Variants in STAC observed in about 807,000 individuals in gnomAD.
STAC encodes the protein SH3 and cysteine rich domain, also known as SH3 and cysteine-rich domain-containing protein.
STAC carries 43 observed loss-of-function variants against 48.8 expected under a neutral mutation model. The observed-to-expected ratio is 0.88, with a 90% CI of 0.69 to 1.14. The LOEUF is 1.14. STAC is among the 50% of genes most tolerant of loss of function. The probability of loss-of-function intolerance (pLI) is 0.00; values close to 1 mark genes in which losing one functional copy is unlikely to be tolerated. For synonymous variants in STAC, 193 were observed against 179.5 expected, an observed-to-expected ratio of 1.07 and a Z score of -0.60; for missense variants, 497 against 504.0, an observed-to-expected ratio of 0.99 and a Z score of 0.13.
chr3:36,414,225 T>G (rs1450470160), intron 1 of STAC, among the ~76,000 whole-genome samples: 2 of 152,212 alleles, frequency 1.3e-5, no homozygotes, highest in African/African-American at 2.4e-5. Context: ...TTGACCTGCC[T>G]TGCTAGGTTG....
At chr3:36,476,894 C>A (rs1697508230) in intron 2 of STAC, among the ~76,000 whole-genome samples, 1 of 151,854 alleles carries the variant, frequency 6.6e-6, no homozygotes, top group Non-Finnish European at 1.5e-5. Context: ...TTGATGCAGG[C>A]ATCCCTCACA....
chr3:36,434,168 A>T (rs934720431), intron 1 of STAC, among the ~76,000 whole-genome samples: 15 of 152,224 alleles, frequency 9.9e-5, no homozygotes, highest in African/African-American at 3.1e-4. Context: ...CTTGGAATAG[A>T]TGAGGTGAAT....
At position 36,528,733 on chromosome 3, in the gene STAC, G is replaced by C. The variant is rs150887393; in HGVS notation, c.958G>C (p.Glu320Gln). The C allele has an allele frequency of 5.0e-6, 8 of 1,605,968 alleles. No homozygotes were observed. The East Asian group carries it at 1.8e-4, about 36-fold the overall frequency. Residue 320 changes from glutamate (E) to glutamine (Q), a missense_variant, in exon 9 of 11, where the codon GAA becomes CAA. Coordinates refer to ENST00000273183, the MANE Select transcript of STAC (RefSeq NM_003149.3). ...AATTACTCTTTTAGAGGATTCCAAT[G>C]AAGACTGGTGGAAAGTAAGTGTTCC... is the stretch of plus-strand genomic sequence containing the variant. ...DIITLLEDSN[E>Q]DWWKGKIQDR...
At chr3:36,505,707 A>G in intron 7 of STAC, 39 bp from the exon 8 acceptor site, 1 of 1,363,336 alleles carries the variant, frequency 7.3e-7, no homozygotes, top group South Asian at 1.3e-5. Flanking sequence ...AATTTATTTC[A>G]CCTTTCTTTT....
At chr3:36,434,324 AGCATTTC>A (rs1308352392) in intron 1 of STAC, among the ~76,000 whole-genome samples, 1 of 152,224 alleles carries the variant, frequency 6.6e-6, no homozygotes, top group African/African-American at 2.4e-5. Flanking sequence ...GAAAATAGTG[AGCATTTC>A]AATGCTCTTT....
intron 10 of STAC, among the ~76,000 whole-genome samples, chr3:36,541,720 T>C (rs947843936): frequency 2.0e-5 from 3 of 152,162 alleles, no homozygotes; most frequent in Non-Finnish European, 4.4e-5. Context: ...CTGTGTCCCA[T>C]ACTAGGAAAG....
intron 8 of STAC, among the ~76,000 whole-genome samples, chr3:36,513,240 A>G (rs1264356647): frequency 2.0e-5 from 3 of 152,134 alleles, no homozygotes; most frequent in African/African-American, 4.8e-5. Context: ...AGATTCACTT[A>G]CCCACCTGCC....
chr3:36,388,129 G>A (rs1020397043), intron 1 of STAC, among the ~76,000 whole-genome samples: 3 of 152,118 alleles, frequency 2.0e-5, no homozygotes, highest in East Asian at 1.9e-4. Context: ...CAAGGCCTTC[G>A]TCCATTTTAA....
At chr3:36,429,479 T>C (rs1272598284) in intron 1 of STAC, among the ~76,000 whole-genome samples, 1 of 152,140 alleles carries the variant, frequency 6.6e-6, no homozygotes, top group African/African-American at 2.4e-5. Context: ...GGGGAACAGG[T>C]TGGAACTTGC....
chr3:36,432,931 C>T (rs75265240), intron 1 of STAC, among the ~76,000 whole-genome samples: 2,304 of 152,238 alleles, frequency 0.015, 31 homozygotes, highest in Non-Finnish European at 0.025. Context: ...TAGGATAGAG[C>T]CTGGTGTATA....
At chr3:36,437,690 A>G (rs1414252288) in intron 1 of STAC, among the ~76,000 whole-genome samples, 1 of 150,454 alleles carries the variant, frequency 6.6e-6, no homozygotes, top group Non-Finnish European at 1.5e-5. Flanking sequence ...TGACGAGTTA[A>G]TGGGTTCAGC....
Position 36,483,045 on chromosome 3 carries a change from C to T in STAC, c.442C>T (p.His148Tyr), listed in dbSNP as rs373616221. 32 of 1,614,042 alleles carry T rather than the reference C, an allele frequency of 2.0e-5. No homozygotes were observed. In the African/African-American group the frequency reaches 4.0e-4, roughly 20 times the overall value. The change falls in exon 3 of 11, where the codon CAC (histidine) becomes TAC (tyrosine). Residue 148 changes from histidine to tyrosine, a missense_variant. By Grantham distance (83) the His-to-Tyr change is moderately conservative (BLOSUM62 2). Transcript: ENST00000273183. Reference sequence around the variant, plus strand: ...CAAAGCCTGTAAGATGAGCATCCACCACAAGTGCACAGATGGCCTGGCACC... The same window carrying T: ...CAAAGCCTGTAAGATGAGCATCCACTACAAGTGCACAGATGGCCTGGCACC... Reference protein sequence around the residue: ...RCKACKMSIHHKCTDGLAPQR... With the variant: ...RCKACKMSIHYKCTDGLAPQR...
At chr3:36,498,458 AAG>A (rs1413524484) in intron 6 of STAC, among the ~76,000 whole-genome samples, 1 of 152,208 alleles carries the variant, frequency 6.6e-6, no homozygotes, top group East Asian at 1.9e-4. Context: ...GAAGTACATA[AAG>A]AGAGAATGGG....
intron 8 of STAC, among the ~76,000 whole-genome samples, chr3:36,508,020 G>A (rs777367000): frequency 2.6e-5 from 4 of 151,856 alleles, no homozygotes; most frequent in South Asian, 2.1e-4. Flanking sequence ...TTAGGGTATC[G>A]ATTTTAGATC....
intron 8 of STAC, among the ~76,000 whole-genome samples, chr3:36,514,901 G>A (rs902933146): frequency 2.6e-5 from 4 of 152,096 alleles, no homozygotes; most frequent in African/African-American, 9.6e-5. Flanking sequence ...AGCCAGGCAT[G>A]GTGGTGTGTG....
At chr3:36,448,193 ATTTTAC>A (rs1696572785) in intron 2 of STAC, among the ~76,000 whole-genome samples, 2 of 148,296 alleles carry the variant, frequency 1.3e-5, no homozygotes, top group African/African-American at 2.5e-5. Context: ...ATTTTACTTT[ATTTTAC>A]TTTATTTTAT....
At chr3:36,383,824 G>A (rs1406650732) in intron 1 of STAC, among the ~76,000 whole-genome samples, 1 of 152,052 alleles carries the variant, frequency 6.6e-6, no homozygotes, top group Admixed American at 6.5e-5. Flanking sequence ...TCTCTTTCTT[G>A]AGGAAATTGA....
chr3:36,449,787 C>G (rs1696628967), intron 2 of STAC, among the ~76,000 whole-genome samples: 1 of 152,194 alleles, frequency 6.6e-6, no homozygotes, highest in African/African-American at 2.4e-5. Flanking sequence ...TTAGGGGATA[C>G]TGTTGTGCTC....
At chr3:36,393,696 A>G (rs1454317176) in intron 1 of STAC, among the ~76,000 whole-genome samples, 1 of 148,138 alleles carries the variant, frequency 6.8e-6, no homozygotes, top group Non-Finnish European at 1.5e-5. Flanking sequence ...CCCTCATGTG[A>G]GCGTGTAGCA....
Sources: gnomAD v4.1 joint callset for allele counts (sites outside exome capture counted in the v4.1 genomes callset) on GRCh38, gnomAD v4.1.1 for gene constraint, MANE v1.5 for transcripts, NCBI Gene and HGNC (gene_info 2026-07-23, HGNC 2026-07-21) for gene names.